The following HSD17B12 variants were observed in gnomAD, a reference collection of about 807,000 sequenced individuals.
The protein encoded by HSD17B12 is very-long-chain 3-oxoacyl-CoA reductase.
A neutral mutation model predicts 39.3 loss-of-function variants in HSD17B12; 32 were observed. That is an observed-to-expected ratio of 0.81 (90% CI 0.61 to 1.09). The LOEUF (loss-of-function observed/expected upper bound fraction) is 1.09. HSD17B12 is among the 50% of genes least tolerant of loss of function. The pLI is 0.00. For missense variants in HSD17B12, 342 were observed against 382.9 expected, an observed-to-expected ratio of 0.89 and a Z score of 0.89; for synonymous variants, 150 against 146.7, an observed-to-expected ratio of 1.02 and a Z score of -0.16.
At chr11:43,686,312 A>G (rs1001595228) in intron 1 of HSD17B12, among the ~76,000 whole-genome samples, 22 of 152,210 alleles carry the variant, frequency 1.4e-4, no homozygotes, top group African/African-American at 5.3e-4. Flanking sequence ...GTTTTTGAAT[A>G]TTTGTTTATT....
At chr11:43,731,222 C>T (rs1036191819) in intron 1 of HSD17B12, among the ~76,000 whole-genome samples, 27 of 152,152 alleles carry the variant, frequency 1.8e-4, no homozygotes, top group Admixed American at 1.6e-3. Flanking sequence ...GTCTTGAACT[C>T]CTGACCTCAG....
chr11:43,788,326 T>A (rs758616233), intron 3 of HSD17B12, among the ~76,000 whole-genome samples: 5 of 152,138 alleles, frequency 3.3e-5, no homozygotes, highest in African/African-American at 4.8e-5. Flanking sequence ...TTAAAAAAAA[T>A]GCTGAGACAT....
rs891114189 is a variant in HSD17B12 at position 43,831,026 on chromosome 11, A to G, written c.536+16A>G. On this transcript the variant is annotated intron_variant, in intron 7 of 10. Transcript: ENST00000278353. The surrounding 1 kb of genome is among the most constrained non-coding windows in gnomAD (Gnocchi z 4.1). ...TGGTGGAAAGGTGAGTCACAAGCTCACATACAAACACTGTGGAAGCAGAGC... is the reference window on the plus strand; with the variant it reads ...TGGTGGAAAGGTGAGTCACAAGCTCGCATACAAACACTGTGGAAGCAGAGC... 1.0e-5 allele frequency: 16 copies of G among 1,601,598 alleles called. No homozygotes were observed. Among genetic ancestry groups the G allele is most frequent in the Non-Finnish European group, 1.1e-5 (13 of 1,172,948 alleles).
intron 1 of HSD17B12, among the ~76,000 whole-genome samples, chr11:43,739,563 C>G (rs141472438): frequency 6.6e-4 from 101 of 152,262 alleles, no homozygotes; most frequent in African/African-American, 2.4e-3. Flanking sequence ...GAGCAGAAGG[C>G]AGAAAGTTGG....
chr11:43,631,340 A>G, the HSD17B12 span, among the ~76,000 whole-genome samples: 1 of 152,200 alleles, frequency 6.6e-6, no homozygotes, highest in Non-Finnish European at 1.5e-5. Context: ...GCTCTGAGAT[A>G]GTAAAGGATC....
At chr11:43,749,739 A>G (rs1234586377) in intron 1 of HSD17B12, among the ~76,000 whole-genome samples, 1 of 151,934 alleles carries the variant, frequency 6.6e-6, no homozygotes, top group Non-Finnish European at 1.5e-5. Flanking sequence ...GAATGTGTTT[A>G]CCATATTTCT....
intron 1 of HSD17B12, among the ~76,000 whole-genome samples, chr11:43,708,477 G>A (rs1308268847): frequency 1.3e-5 from 2 of 152,126 alleles, no homozygotes; most frequent in Non-Finnish European, 2.9e-5. Flanking sequence ...ATGAAATGCT[G>A]AATTGCATCC....
intron 1 of HSD17B12, among the ~76,000 whole-genome samples, chr11:43,693,202 T>G (rs1475963895): frequency 6.6e-6 from 1 of 152,174 alleles, no homozygotes; most frequent in Non-Finnish European, 1.5e-5. Context: ...TGTGGTAGAT[T>G]GATTAAAAGC....
the HSD17B12 span, among the ~76,000 whole-genome samples, chr11:43,670,090 G>A: frequency 5.3e-5 from 8 of 152,206 alleles, no homozygotes; most frequent in Non-Finnish European, 1.0e-4. Context: ...TGGGAGCTCT[G>A]AAGCTGGGAA....
Position 43,808,319 on chromosome 11 carries a change from G to A in HSD17B12, c.392-7118G>A, listed in dbSNP as rs1357494535. Among the ~76,000 whole-genome samples the A allele has an allele frequency of 6.0e-5, 9 of 150,896 alleles. No homozygotes were observed. The South Asian group carries it at 1.7e-3, about 28-fold the overall frequency. On this transcript the variant is annotated intron_variant, in intron 4 of 10. Transcript: ENST00000278353. Reference sequence around the variant, plus strand: ...TTTTTTTTTTTTTAATGTGCTAGGAGACTCATCAGGAACATTATCAGACTA... The same window carrying A: ...TTTTTTTTTTTTTAATGTGCTAGGAAACTCATCAGGAACATTATCAGACTA...
At chr11:43,652,624 C>T in the HSD17B12 span, among the ~76,000 whole-genome samples, 1 of 152,060 alleles carries the variant, frequency 6.6e-6, no homozygotes, top group Non-Finnish European at 1.5e-5. Flanking sequence ...AATTAATTTG[C>T]TAGCGTGGCT....
intron 3 of HSD17B12, among the ~76,000 whole-genome samples, chr11:43,776,820 A>G (rs1314818269): frequency 6.6e-6 from 1 of 152,182 alleles, no homozygotes; most frequent in African/African-American, 2.4e-5. Flanking sequence ...AGCTTTCTAC[A>G]TATGGCTAGC....
the HSD17B12 span, among the ~76,000 whole-genome samples, chr11:43,602,729 A>C: frequency 6.6e-6 from 1 of 152,056 alleles, no homozygotes; most frequent in Admixed American, 6.5e-5. Context: ...ATTTGAATTA[A>C]TGTATGTAAT....
At chr11:43,596,455 C>T in the HSD17B12 span, among the ~76,000 whole-genome samples, 1 of 152,072 alleles carries the variant, frequency 6.6e-6, no homozygotes, top group Non-Finnish European at 1.5e-5. Flanking sequence ...GCTTTTGAGA[C>T]AGGGTCTCGC....
intron 1 of HSD17B12, among the ~76,000 whole-genome samples, chr11:43,684,954 A>C (rs1949784781): frequency 6.6e-6 from 1 of 152,196 alleles, no homozygotes; most frequent in South Asian, 2.1e-4. Flanking sequence ...GGAATCATAC[A>C]ATAGGTGTTC....
chr11:43,760,770 C>A (rs921150356), intron 3 of HSD17B12, among the ~76,000 whole-genome samples: 2 of 152,176 alleles, frequency 1.3e-5, no homozygotes, highest in African/African-American at 4.8e-5. Flanking sequence ...TTAGTAAACA[C>A]CTGTAGACCT....
the HSD17B12 span, among the ~76,000 whole-genome samples, chr11:43,595,382 G>A: frequency 6.6e-6 from 1 of 152,234 alleles, no homozygotes; most frequent in Non-Finnish European, 1.5e-5. Context: ...ATTCAGATCA[G>A]CTGGTAAGTG....
the HSD17B12 span, among the ~76,000 whole-genome samples, chr11:43,623,432 T>A: frequency 6.6e-6 from 1 of 152,012 alleles, no homozygotes; most frequent in Non-Finnish European, 1.5e-5. Flanking sequence ...ACATGATTTT[T>A]AAAAAGATAA....
the HSD17B12 span, chr11:43,584,450 C>T: frequency 1.3e-5 from 2 of 152,352 alleles, no homozygotes; most frequent in African/African-American, 4.8e-5. Context: ...CTTTTCCTTT[C>T]CTTCAGTCTT....
Sources: gnomAD v4.1 joint callset for allele counts (sites outside exome capture counted in the v4.1 genomes callset) on GRCh38, gnomAD v4.1.1 for gene constraint, Gnocchi (gnomAD v3.1) non-coding constraint, MANE v1.5 for transcripts, NCBI Gene and HGNC (gene_info 2026-07-23, HGNC 2026-07-21) for gene names.